Variants in RASAL2 observed in about 807,000 individuals in gnomAD.
RASAL2 encodes RAS protein activator like 2, also known as ras GTPase-activating protein nGAP.
Under a neutral mutation model 128.9 loss-of-function variants are expected in RASAL2, and 58 were observed. The ratio of observed to expected loss-of-function variants is 0.45; its 90% CI spans 0.36 to 0.56. RASAL2 has a LOEUF of 0.56. RASAL2 is among the 20% of genes least tolerant of loss of function. RASAL2 has a pLI of 0.00. For synonymous variants in RASAL2, 561 were observed against 580.8 expected, an observed-to-expected ratio of 0.97 and a Z score of 0.49; for missense variants, 1,360 against 1,601.6, an observed-to-expected ratio of 0.85 and a Z score of 2.57.
intron 3 of RASAL2, among the ~76,000 whole-genome samples, chr1:178,365,718 C>T (rs947539290): frequency 5.3e-5 from 8 of 152,090 alleles, no homozygotes; most frequent in Non-Finnish European, 8.8e-5. Flanking sequence ...GGTGATCCAC[C>T]CACCTCAGCC....
chr1:178,331,527 G>A (rs1669311496), intron 3 of RASAL2, among the ~76,000 whole-genome samples: 1 of 150,914 alleles, frequency 6.6e-6, no homozygotes, highest in Admixed American at 6.6e-5. Context: ...AGCAATCATA[G>A]GACAAACTGT....
intron 5 of RASAL2, among the ~76,000 whole-genome samples, chr1:178,434,718 A>G (rs1013291857): frequency 2.0e-5 from 3 of 152,144 alleles, no homozygotes; most frequent in Non-Finnish European, 4.4e-5. Flanking sequence ...GTCTTTGCAC[A>G]TAAGTAGAGC....
Position 178,431,625 on chromosome 1 carries a change from TA to T in RASAL2, c.675-7795del, listed in dbSNP as rs1557984067. Among the ~76,000 whole-genome samples the T allele has an allele frequency of 2.6e-5, 4 of 152,134 alleles. No homozygotes were observed. The South Asian group carries it at 8.3e-4, about 32-fold the overall frequency. ...CACATGTGCATGAAGATATATGTAG[TA>T]AGATATTCTGAATTTTGTTGCTAAT... On this transcript the variant is annotated intron_variant, in intron 5 of 17. Coordinates refer to ENST00000367649, the MANE Select transcript of RASAL2 (RefSeq NM_170692.4).
chr1:178,207,252 A>T (rs1316859219), intron 1 of RASAL2, among the ~76,000 whole-genome samples: 2 of 152,198 alleles, frequency 1.3e-5, no homozygotes, highest in African/African-American at 4.8e-5. Flanking sequence ...ATATCCAAAG[A>T]AATATGCACA....
intron 1 of RASAL2, chr1:178,122,991 A>G (rs1659772260): frequency 6.6e-6 from 1 of 152,220 alleles, no homozygotes; most frequent in African/African-American, 2.4e-5. Flanking sequence ...TTTCATGATA[A>G]CGCTATATAA....
intron 3 of RASAL2, among the ~76,000 whole-genome samples, chr1:178,307,285 A>C (rs964263332): frequency 6.6e-6 from 1 of 152,166 alleles, no homozygotes; most frequent in East Asian, 1.9e-4. Context: ...TTAAAAAAAA[A>C]ATTTTTTTCC....
At chr1:178,238,295 TTTCATTTATACA>T (rs1664344467) in intron 1 of RASAL2, among the ~76,000 whole-genome samples, 1 of 152,208 alleles carries the variant, frequency 6.6e-6, no homozygotes, top group African/African-American at 2.4e-5. Flanking sequence ...ATATACTATA[TTTCATTTATACA>T]TTCATCATTT....
At chr1:178,435,761 G>A (rs950779327) in intron 5 of RASAL2, among the ~76,000 whole-genome samples, 1 of 152,064 alleles carries the variant, frequency 6.6e-6, no homozygotes, top group African/African-American at 2.4e-5. Context: ...TCAATACATA[G>A]TCTGTTGGAG....
At chr1:178,147,214 C>T (rs921060184) in intron 1 of RASAL2, among the ~76,000 whole-genome samples, 3 of 152,084 alleles carry the variant, frequency 2.0e-5, no homozygotes, top group Non-Finnish European at 4.4e-5. Flanking sequence ...TATGGCTGGG[C>T]GCGGTAGGTC....
intron 1 of RASAL2, among the ~76,000 whole-genome samples, chr1:178,133,860 T>C (rs1480644385): frequency 2.6e-5 from 4 of 152,212 alleles, no homozygotes; most frequent in African/African-American, 4.8e-5. Flanking sequence ...TATGAGTGAC[T>C]GTCAAATCAG....
chr1:178,222,320 T>C (rs550801807), intron 1 of RASAL2, among the ~76,000 whole-genome samples: 132 of 152,296 alleles, frequency 8.7e-4, no homozygotes, highest in Non-Finnish European at 1.6e-3. Context: ...TTTCCTTATA[T>C]GTCTTCCACC....
chr1:178,105,070 T>A (rs1659039064), intron 1 of RASAL2, among the ~76,000 whole-genome samples: 2 of 152,246 alleles, frequency 1.3e-5, no homozygotes, highest in South Asian at 4.1e-4. Flanking sequence ...TTTACCTGGA[T>A]GAGTGATTGA....
chr1:178,269,857 C>T (rs1357825255), intron 1 of RASAL2, among the ~76,000 whole-genome samples: 1 of 152,168 alleles, frequency 6.6e-6, no homozygotes, highest in Non-Finnish European at 1.5e-5. Context: ...ACTGCGGACT[C>T]GCCCTGAATT....
intron 3 of RASAL2, among the ~76,000 whole-genome samples, chr1:178,321,493 A>T (rs1189160380): frequency 2.0e-5 from 3 of 151,898 alleles, no homozygotes; most frequent in South Asian, 2.1e-4. Flanking sequence ...TAACTTCATT[A>T]TTTTTTTCTT....
chr1:178,208,847 C>T (rs969854351), intron 1 of RASAL2, among the ~76,000 whole-genome samples: 3 of 152,122 alleles, frequency 2.0e-5, no homozygotes, highest in Non-Finnish European at 2.9e-5. Context: ...TCACCCCTGG[C>T]GGCCCAGCTG....
intron 1 of RASAL2, among the ~76,000 whole-genome samples, chr1:178,274,273 C>G (rs963197351): frequency 6.6e-6 from 1 of 152,136 alleles, no homozygotes; most frequent in African/African-American, 2.4e-5. Context: ...TGAGTTCACT[C>G]TTTTTCACCC....
At chr1:178,115,032 A>C (rs757305688) in intron 1 of RASAL2, among the ~76,000 whole-genome samples, 1 of 151,850 alleles carries the variant, frequency 6.6e-6, no homozygotes, top group East Asian at 1.9e-4. Flanking sequence ...TTTTTTTTCC[A>C]CTTTCTGGAA....
rs1007908834 is a variant in RASAL2, at chr1:178,341,738, T to A, written c.457+41620T>A. On this transcript the variant is annotated intron_variant, in intron 3 of 17. Transcript: ENST00000367649. ...TATTGGCTTTAAAAAAATAGGTTGG[T>A]TTTTATTGCTGTGAGTTCACAGAAA... 3.1e-6 allele frequency: 4 copies of A among 1,309,666 alleles called. No individual in the cohort carries two copies. In the Admixed American group the frequency reaches 8.2e-5, roughly 27 times the overall value. The allele number at this position is 1,309,666 out of a possible 1,614,324, so 81.1% of individuals were successfully genotyped here. A position where few individuals can be genotyped will look rare whatever the true frequency, so the allele number is the denominator to read the frequency against.
chr1:178,308,983 T>C (rs1668118856), intron 3 of RASAL2, among the ~76,000 whole-genome samples: 1 of 152,182 alleles, frequency 6.6e-6, no homozygotes, highest in Non-Finnish European at 1.5e-5. Flanking sequence ...GAAGATTTAA[T>C]ATTATAAGAG....
Sources: gnomAD v4.1 joint callset for allele counts (sites outside exome capture counted in the v4.1 genomes callset) on GRCh38, gnomAD v4.1.1 for gene constraint, MANE v1.5 for transcripts, NCBI Gene and HGNC (gene_info 2026-07-23, HGNC 2026-07-21) for gene names.